FYCO1: variants seen among roughly 807,000 people sequenced by gnomAD.
FYCO1 encodes the protein FYVE and coiled-coil domain-containing protein 1.
A neutral mutation model predicts 165.1 loss-of-function variants in FYCO1; 122 were observed. The observed-to-expected ratio is 0.74, with a 90% confidence interval of 0.64 to 0.86. The LOEUF is 0.86. FYCO1 is among the 40% of genes least tolerant of loss of function. The pLI, the probability that FYCO1 is intolerant of heterozygous loss-of-function variation, is 0.00. For missense variants in FYCO1, 1,702 were observed against 1,810.3 expected (o/e 0.94, Z 1.09); for synonymous variants, 648 against 742.5 (o/e 0.87, Z 2.07).
At chr3:45,936,182 A>T (rs1172736305) in intron 15 of FYCO1, among the ~76,000 whole-genome samples, 1 of 152,242 alleles carries the variant, frequency 6.6e-6, no homozygotes, top group African/African-American at 2.4e-5. Context: ...GAGGAATATT[A>T]TAAAGGGGCA....
At chr3:45,965,447 A>T (rs1458861303) in intron 8 of FYCO1, among the ~76,000 whole-genome samples, 1 of 152,160 alleles carries the variant, frequency 6.6e-6, no homozygotes, top group Admixed American at 6.5e-5. Flanking sequence ...CTCAGAGAGG[A>T]GGGTTAGGAG....
At chr3:45,943,010 T>C (rs779783211) in intron 14 of FYCO1, among the ~76,000 whole-genome samples, 1 of 152,196 alleles carries the variant, frequency 6.6e-6, no homozygotes, top group Non-Finnish European at 1.5e-5. Context: ...CTCAGTGTTC[T>C]CATCTATAAA....
rs79847787 is a variant in FYCO1 at position 45,974,253 on chromosome 3, C to A, written c.395+986G>T. 5.4e-3 allele frequency among the ~76,000 whole-genome samples: 823 copies of A among 152,206 alleles called. 3 individuals carry two copies. Among genetic ancestry groups the A allele is most frequent in the Non-Finnish European group, 9.1e-3 (616 of 68,008 alleles). On this transcript the variant is annotated intron_variant, in intron 5 of 17. Transcript: ENST00000296137. Reference sequence around the variant, plus strand: ...ATTAGCCAGACACAGTGGTAAATGCCTATCCAGCTACTCGAAGGCTGAGGT... The same window carrying A: ...ATTAGCCAGACACAGTGGTAAATGCATATCCAGCTACTCGAAGGCTGAGGT...
At chr3:45,969,939 C>T (rs1706325863) in intron 6 of FYCO1, among the ~76,000 whole-genome samples, 174 bp from the exon 7 acceptor site, 1 of 152,244 alleles carries the variant, frequency 6.6e-6, no homozygotes, top group African/African-American at 2.4e-5. Context: ...TGGTCTGTAA[C>T]AGATAAATTC....
chr3:45,950,585 A>G (rs1704950272), intron 14 of FYCO1, among the ~76,000 whole-genome samples: 1 of 152,132 alleles, frequency 6.6e-6, no homozygotes, highest in Admixed American at 6.5e-5. Flanking sequence ...GGGCTCTCAA[A>G]GCAGCACCCC....
At chr3:45,979,932 T>TG in intron 3 of FYCO1, 102 bp from the exon 4 acceptor site, 1 of 1,389,112 alleles carries the variant, frequency 7.2e-7, no homozygotes. Flanking sequence ...GTGCCAGCAC[T>TG]GGGTGAGGCC....
chr3:45,956,752 C>G (rs1705351671), intron 13 of FYCO1, among the ~76,000 whole-genome samples: 1 of 152,070 alleles, frequency 6.6e-6, no homozygotes, highest in African/African-American at 2.4e-5. Flanking sequence ...AAACCAAAGA[C>G]TTAAATAAAT....
At chr3:45,946,693 T>G (rs1404803198) in intron 14 of FYCO1, 1 of 1,614,256 alleles carries the variant, frequency 6.2e-7, no homozygotes, top group Non-Finnish European at 8.5e-7. Context: ...GTGTTCCTGG[T>G]GAACCTACCC....
intron 14 of FYCO1, among the ~76,000 whole-genome samples, chr3:45,937,136 G>C (rs1187451867): frequency 6.6e-6 from 1 of 152,198 alleles, no homozygotes; most frequent in Non-Finnish European, 1.5e-5. Context: ...TGTTTTCCCT[G>C]TGGGGTTCCA....
chr3:45,989,493 C>T (rs1047812173), intron 1 of FYCO1, among the ~76,000 whole-genome samples: 3 of 152,174 alleles, frequency 2.0e-5, no homozygotes, highest in Admixed American at 6.5e-5. Context: ...GAGAGTGCTC[C>T]GGAGTTTGCC....
chr3:45,922,583 T>G (rs372722371), intron 17 of FYCO1, among the ~76,000 whole-genome samples: 1 of 152,138 alleles, frequency 6.6e-6, no homozygotes, highest in African/African-American at 2.4e-5. Flanking sequence ...CAAAGAGAGC[T>G]CTCTGGCCAT....
intron 6 of FYCO1, among the ~76,000 whole-genome samples, 167 bp downstream of exon 6, chr3:45,972,921 T>C (rs961770554): frequency 1.3e-5 from 2 of 152,252 alleles, no homozygotes; most frequent in African/African-American, 4.8e-5. Flanking sequence ...CAGATGTTAT[T>C]GTTAGTCATG....
At position 45,920,732 on chromosome 3, in the gene FYCO1, T is replaced by G. The variant is rs956949191; in HGVS notation, c.*1033A>C. 6.5e-6 allele frequency: 1 copy of G among 152,712 alleles called. No homozygotes were observed. Among genetic ancestry groups the G allele is most frequent in the Non-Finnish European group, 1.5e-5 (1 of 68,084 alleles). 9.5% of individuals were successfully genotyped at this position (152,712 alleles called of 1,614,324 possible). A position where few individuals can be genotyped will look rare whatever the true frequency, so the allele number is the denominator to read the frequency against. On this transcript the variant is annotated 3_prime_UTR_variant, in exon 18 of 18. Coordinates refer to ENST00000296137, the MANE Select transcript of FYCO1 (RefSeq NM_024513.4). ...AGGGATCCATCATGCCTCTGTTTAC[T>G]CTGTTACTTTGGTTCTTAAGTTATC...
At chr3:45,984,700 T>C (rs987628588) in intron 2 of FYCO1, 156 bp downstream of exon 2, 2 of 757,292 alleles carry the variant, frequency 2.6e-6, no homozygotes, top group South Asian at 3.0e-5. Context: ...AGGTGGATAT[T>C]TGAGACCCAA....
chr3:45,922,478 G>A (rs1703129543), intron 17 of FYCO1, among the ~76,000 whole-genome samples: 1 of 152,164 alleles, frequency 6.6e-6, no homozygotes, highest in Non-Finnish European at 1.5e-5. Flanking sequence ...GCAGAGCTTG[G>A]GCCTGGTGGT....
At chr3:45,946,382 A>C in intron 14 of FYCO1, 1 of 1,051,182 alleles carries the variant, frequency 9.5e-7, no homozygotes. Context: ...TTGCCCCCTA[A>C]ATGTGGTCAA....
At position 45,921,842 on chromosome 3, in the gene FYCO1, T is replaced by C. The variant is rs764470073; in HGVS notation, c.4362-2A>G. On this transcript the variant is annotated splice_acceptor_variant, in intron 17 of 17. Coordinates refer to ENST00000296137, the MANE Select transcript of FYCO1 (RefSeq NM_024513.4). LOFTEE classifies it high-confidence loss of function. ...TAAAATACCTTTTTAGAGACAAACC[T>C]GAGGAAACAGAAATGGAAAGGGAGG... The C allele has an allele frequency of 8.1e-6, 13 of 1,603,926 alleles. No individual in the cohort carries two copies. The highest frequency in any genetic ancestry group is 1.0e-5 in the Non-Finnish European group (12 of 1,170,836).
At chr3:45,946,899 C>G in intron 14 of FYCO1, 4 of 1,614,246 alleles carry the variant, frequency 2.5e-6, no homozygotes, top group South Asian at 1.1e-5. Flanking sequence ...GGCCTACAAC[C>G]AGCAAGCCAA....
At chr3:45,927,059 G>A (rs1703355460) in intron 16 of FYCO1, among the ~76,000 whole-genome samples, 1 of 152,120 alleles carries the variant, frequency 6.6e-6, no homozygotes, top group African/African-American at 2.4e-5. Context: ...TCACATTCTA[G>A]GCCAAGCTTG....
Sources: gnomAD v4.1 joint callset for allele counts (sites outside exome capture counted in the v4.1 genomes callset) on GRCh38, gnomAD v4.1.1 for gene constraint, MANE v1.5 for transcripts, NCBI Gene and HGNC (gene_info 2026-07-23, HGNC 2026-07-21) for gene names.